GOLGA4: variants seen among roughly 807,000 people sequenced by gnomAD.
The protein encoded by GOLGA4 is golgin A4, also known as golgin subfamily A member 4.
A neutral mutation model predicts 265.9 loss-of-function variants in GOLGA4; 169 were observed. The observed-to-expected ratio is 0.64, with a 90% confidence interval of 0.56 to 0.72. The LOEUF (loss-of-function observed/expected upper bound fraction) is 0.72. Ranked by LOEUF, GOLGA4 falls within the 30% of genes least tolerant of loss-of-function variation. GOLGA4 has a pLI of 0.00. For synonymous variants in GOLGA4, 923 were observed against 855.8 expected (o/e 1.08, Z -1.37); for missense variants, 2,482 against 2,483.4 (o/e 1.00, Z 0.01).
In GOLGA4 at chr3:37,298,028, CA is replaced by C. The variant is rs1189924321; in HGVS notation, c.815-794del. 1.3e-3 allele frequency among the ~76,000 whole-genome samples: 190 copies of C among 141,530 alleles called. 1 individual carries two copies. Among genetic ancestry groups the C allele is most frequent in the Middle Eastern group, 7.1e-3 (2 of 280 alleles). The allele number at this position is 141,530 out of a possible 152,430, so 92.8% of individuals were successfully genotyped here. The stretch of plus-strand genomic sequence containing the variant: ...TGGGCGGCAAAGCGAGGCTCCGTCT[CA>C]AAAAAAAAAAGAGGGAATACACACC... On this transcript the variant is annotated intron_variant, in intron 7 of 23. Transcript: ENST00000361924.
chr3:37,338,048 A>G (rs77333639), intron 19 of GOLGA4, among the ~76,000 whole-genome samples: 5,855 of 152,292 alleles, frequency 0.038, 143 homozygotes, highest in African/African-American at 0.056. Context: ...ATAGTCATCT[A>G]TCTTTGGTAC....
chr3:37,289,240 A>G lies in GOLGA4; in HGVS notation c.531A>G (p.Ile177Met), dbSNP rs761133320. The change falls in exon 5 of 24, where the codon ATA becomes ATG. Residue 177 changes from isoleucine to methionine, a missense_variant. Coordinates refer to ENST00000361924, the MANE Select transcript of GOLGA4 (RefSeq NM_002078.5). Reference sequence around the variant, plus strand: ...TTTTTCTCTCTCAATTAAAGGGTATATTAAGTCAGAGTCAGGATAAATCAC... The same window carrying G: ...TTTTTCTCTCTCAATTAAAGGGTATGTTAAGTCAGAGTCAGGATAAATCAC... ...LQREKKKLQG[I>M]LSQSQDKSLR... 1.3e-6 allele frequency: 2 copies of G among 1,585,360 alleles called. No homozygotes were observed. The highest frequency in any genetic ancestry group is 1.7e-4 in the Middle Eastern group (1 of 6,014).
At chr3:37,274,325 A>G (rs1370056379) in intron 2 of GOLGA4, among the ~76,000 whole-genome samples, 2 of 152,050 alleles carry the variant, frequency 1.3e-5, no homozygotes, top group African/African-American at 2.4e-5. Context: ...CTTGATTTTA[A>G]AAAGTTATTT....
chr3:37,340,173 C>A lies in GOLGA4; in HGVS notation c.6446C>A (p.Ala2149Glu). 1 of 1,428,504 alleles carries A rather than the reference C, an allele frequency of 7.0e-7. No individual in the cohort carries two copies. The highest frequency in any genetic ancestry group is 9.7e-7 in the Non-Finnish European group (1 of 1,027,882). 88.5% of individuals were successfully genotyped at this position (1,428,504 alleles called of 1,614,324 possible). The change falls in exon 20 of 24, where the codon GCA (alanine) becomes GAA (glutamate). Residue 2149 changes from alanine (A) to glutamate (E), a missense_variant. Ala to Glu is a moderately radical substitution (Grantham distance 107, BLOSUM62 -1). Coordinates refer to ENST00000361924, the MANE Select transcript of GOLGA4 (RefSeq NM_002078.5). ...RLKKYEKNVY[A>E]TTVGTPYKGG... ...AAGAAATATGAAAAGAATGTATATGCAACAACTGTGGGGACACCTTACAAA... is the reference window on the plus strand; with the variant it reads ...AAGAAATATGAAAAGAATGTATATGAAACAACTGTGGGGACACCTTACAAA...
intron 2 of GOLGA4, 32 bp downstream of exon 2, chr3:37,251,516 C>T: frequency 3.1e-6 from 4 of 1,305,018 alleles, no homozygotes; most frequent in Non-Finnish European, 4.4e-6. Flanking sequence ...TAGTATACCT[C>T]TCAAAAGAAA....
chr3:37,354,661 A>G (rs1319192367), intron 21 of GOLGA4, among the ~76,000 whole-genome samples: 5 of 152,222 alleles, frequency 3.3e-5, no homozygotes, highest in Non-Finnish European at 7.4e-5. Flanking sequence ...GTTCATGTTC[A>G]TGCAGTAGCC....
chr3:37,292,764 G>T (rs1246649175), intron 5 of GOLGA4, among the ~76,000 whole-genome samples: 1 of 152,100 alleles, frequency 6.6e-6, no homozygotes, highest in African/African-American at 2.4e-5. Context: ...TATATGAAAG[G>T]AATTTAGATC....
chr3:37,335,191 A>G, intron 17 of GOLGA4, 25 bp downstream of exon 17: 1 of 1,203,958 alleles, frequency 8.3e-7, no homozygotes, highest in Non-Finnish European at 1.2e-6. Flanking sequence ...AGTTTGCTGC[A>G]CATGTTTCTT....
chr3:37,264,758 G>A (rs1252505425), intron 2 of GOLGA4, among the ~76,000 whole-genome samples: 2 of 152,020 alleles, frequency 1.3e-5, no homozygotes, highest in African/African-American at 2.4e-5. Context: ...GCTCAGGCTG[G>A]AGTGCTGTGG....
intron 10 of GOLGA4, among the ~76,000 whole-genome samples, chr3:37,305,672 A>G (rs1578604129): frequency 6.6e-6 from 1 of 152,244 alleles, no homozygotes; most frequent in Non-Finnish European, 1.5e-5. Flanking sequence ...AGAACTGGCC[A>G]TGTGAAGGAA....
At chr3:37,301,905 C>G (rs1330644894) in intron 9 of GOLGA4, among the ~76,000 whole-genome samples, 3 of 152,168 alleles carry the variant, frequency 2.0e-5, no homozygotes, top group Non-Finnish European at 4.4e-5. Flanking sequence ...TCTCCTGCCT[C>G]AGCCTCCTGA....
intron 2 of GOLGA4, among the ~76,000 whole-genome samples, chr3:37,279,392 C>T (rs182299438): frequency 4.6e-5 from 7 of 152,246 alleles, no homozygotes; most frequent in Admixed American, 2.0e-4. Context: ...AGCTTCCCCC[C>T]GCCCTCTAGC....
At chr3:37,294,752 G>C (rs2096873769) in intron 5 of GOLGA4, among the ~76,000 whole-genome samples, 2 of 152,118 alleles carry the variant, frequency 1.3e-5, no homozygotes, top group Non-Finnish European at 2.9e-5. Flanking sequence ...GCTCTGGAAA[G>C]TACACTTTTT....
chr3:37,333,680 A>C (rs1045879770), intron 16 of GOLGA4, among the ~76,000 whole-genome samples: 3 of 152,154 alleles, frequency 2.0e-5, no homozygotes, highest in South Asian at 2.1e-4. Flanking sequence ...ATGCATTTAC[A>C]ACAATTTTCG....
Position 37,282,075 on chromosome 3 carries a change from G to A in GOLGA4, c.280G>A (p.Val94Ile), listed in dbSNP as rs1287738945. 1.2e-6 allele frequency: 2 copies of A among 1,614,100 alleles called. No individual in the cohort carries two copies. Among genetic ancestry groups the A allele is most frequent in the South Asian group, 2.2e-5 (2 of 91,076 alleles). The part of the protein sequence containing the change: ...LFRSSSKESL[V>I]RTSSRESLNR... Reference sequence around the variant, plus strand: ...CCGGTCTTCTTCTAAAGAGTCTTTGGTACGAACATCTTCCAGAGAATCCCT... The same window carrying A: ...CCGGTCTTCTTCTAAAGAGTCTTTGATACGAACATCTTCCAGAGAATCCCT... The change falls in exon 3 of 24, where the codon GTA (valine) becomes ATA (isoleucine). Residue 94 changes from valine to isoleucine, a missense_variant. Coordinates refer to ENST00000361924, the MANE Select transcript of GOLGA4 (RefSeq NM_002078.5).
rs1328833149 is a variant in GOLGA4, at chr3:37,324,135, C to T, written c.2249C>T (p.Thr750Ile). 1.9e-6 allele frequency: 3 copies of T among 1,613,958 alleles called. No homozygotes were observed. The East Asian group carries it at 6.7e-5, about 36-fold the overall frequency. ...GAACACGAGGTATCTATCCAGAGGA[C>T]TGAGAAGGCATTAAAAGATCAAATT... ...IKEHEVSIQR[T>I]EKALKDQINQ... The change falls in exon 14 of 24, where the codon ACT becomes ATT. Residue 750 changes from threonine to isoleucine, a missense_variant. By Grantham distance (89) the Thr-to-Ile change is moderately conservative. Coordinates refer to ENST00000361924, the MANE Select transcript of GOLGA4 (RefSeq NM_002078.5).
chr3:37,324,051 A>T lies in GOLGA4; in HGVS notation c.2165A>T (p.Glu722Val). The T allele has an allele frequency of 6.2e-7, 1 of 1,614,098 alleles. No individual in the cohort carries two copies. Among genetic ancestry groups the T allele is most frequent in the Non-Finnish European group, 8.5e-7 (1 of 1,180,014 alleles). The change falls in exon 14 of 24, where the codon GAG becomes GTG. Residue 722 changes from glutamate to valine, a missense_variant. Around this residue, in one of 3 missense-constraint regions of GOLGA4, gnomAD observed 1,536 missense variants for 1,483.7 expected, o/e 1.04. Transcript: ENST00000361924. ...DQTDKMKQEL[E>V]AKMDEQKNHH... ...ACAGATAAAATGAAGCAGGAATTAG[A>T]GGCCAAGATGGATGAACAGAAAAAT... is the stretch of plus-strand genomic sequence containing the variant.
chr3:37,362,982 C>CCGTGTTATT (rs1696449676), intron 23 of GOLGA4, among the ~76,000 whole-genome samples: 1 of 151,730 alleles, frequency 6.6e-6, no homozygotes, highest in African/African-American at 2.4e-5. Flanking sequence ...CAGGGTTTCA[C>CCGTGTTATT]CGTGTTATTC....
intron 2 of GOLGA4, among the ~76,000 whole-genome samples, chr3:37,258,484 C>A (rs1485141127): frequency 1.3e-5 from 2 of 152,012 alleles, no homozygotes; most frequent in Non-Finnish European, 2.9e-5. Flanking sequence ...TGTGCCACCA[C>A]ACCCAGCTAA....
Sources: allele counts gnomAD v4.1 joint callset (sites outside exome capture counted in the v4.1 genomes callset), GRCh38; gene constraint gnomAD v4.1.1; regional missense constraint gnomAD v4.1.1; transcripts MANE v1.5; gene names NCBI Gene and HGNC (gene_info 2026-07-23, HGNC 2026-07-21).